The following CACNA1G variants were observed in gnomAD, a reference collection of about 807,000 sequenced individuals.
CACNA1G encodes calcium voltage-gated channel subunit alpha1 G, also known as voltage-dependent T-type calcium channel subunit alpha-1G.
CACNA1G carries 67 observed loss-of-function variants against 219.4 expected under a neutral mutation model. That is an observed-to-expected ratio of 0.31 (90% CI 0.25 to 0.37). The LOEUF (loss-of-function observed/expected upper bound fraction) is 0.37, where lower values mean the gene tolerates loss of function less well. Among genes scored for constraint, CACNA1G ranks in the 10% least tolerant of loss-of-function variants. The pLI is 1.00. For missense variants in CACNA1G, 2,380 were observed against 3,231.4 expected (o/e 0.74, Z 6.39); for synonymous variants, 1,296 against 1,345.3 (o/e 0.96, Z 0.80).
At chr17:50,604,407 C>A in intron 22 of CACNA1G, 126 bp downstream of exon 22, 1 of 1,241,972 alleles carries the variant, frequency 8.1e-7, no homozygotes, top group Non-Finnish European at 1.1e-6. Flanking sequence ...AGCAGGGACG[C>A]TTCCCTCCAG....
chr17:50,579,706 G>A (rs1002501574), intron 9 of CACNA1G, among the ~76,000 whole-genome samples: 1 of 152,172 alleles, frequency 6.6e-6, no homozygotes, highest in Non-Finnish European at 1.5e-5. Context: ...GGTTTGGAAC[G>A]AAGGCCATGC....
chr17:50,587,658 G>A (rs1314176025), intron 9 of CACNA1G, among the ~76,000 whole-genome samples: 1 of 152,246 alleles, frequency 6.6e-6, no homozygotes, highest in Non-Finnish European at 1.5e-5. Flanking sequence ...AGAGAGCAAG[G>A]CAGGGCCGAG....
chr17:50,622,648 C>T (rs946643174), intron 35 of CACNA1G, among the ~76,000 whole-genome samples: 1 of 152,146 alleles, frequency 6.6e-6, no homozygotes, highest in Non-Finnish European at 1.5e-5. Context: ...CTACAGCCTC[C>T]CTGGGAACAA....
Position 50,617,997 on chromosome 17 carries a change from C to A in CACNA1G, c.5227-51C>A, listed in dbSNP as rs2146277441. ...TCCAGAGGGAAGGGGCTCAGAGAAG[C>A]TGACTGGGAGACCCAGCGGCATCGT... On this transcript the variant is annotated intron_variant, in intron 30 of 37. Coordinates refer to ENST00000359106, the MANE Select transcript of CACNA1G (RefSeq NM_018896.5). The surrounding 1 kb of genome is among the most constrained non-coding windows in gnomAD (Gnocchi z 5.8). 1 of 1,612,408 alleles carries A rather than the reference C, an allele frequency of 6.2e-7. No homozygotes were observed. The highest frequency in any genetic ancestry group is 2.2e-5 in the East Asian group (1 of 44,874).
intron 28 of CACNA1G, among the ~76,000 whole-genome samples, chr17:50,616,963 C>G (rs2050724153): frequency 6.6e-6 from 1 of 152,182 alleles, no homozygotes; most frequent in South Asian, 2.1e-4. Flanking sequence ...ACCTCAGTCT[C>G]CCAGGTAGCT....
intron 35 of CACNA1G, among the ~76,000 whole-genome samples, chr17:50,623,270 T>TTA (rs2146432786): frequency 7.4e-6 from 1 of 135,546 alleles, no homozygotes; most frequent in Non-Finnish European, 1.6e-5. Context: ...CTAATTTTTT[T>TTA]TTTTTTTTTT....
chr17:50,573,717 T>C (rs2039977864), intron 7 of CACNA1G: 1 of 152,278 alleles, frequency 6.6e-6, no homozygotes, highest in Non-Finnish European at 1.5e-5. Context: ...GCCTGATCTC[T>C]TATTCCTGCC....
At chr17:50,594,933 T>C in intron 13 of CACNA1G, 60 bp from the exon 14 acceptor site, 1 of 1,319,752 alleles carries the variant, frequency 7.6e-7, no homozygotes, top group Non-Finnish European at 1.1e-6. Flanking sequence ...ACTGCCGATA[T>C]CTGAAGGCCC....
chr17:50,565,672 C>T (rs2037607414), intron 1 of CACNA1G, among the ~76,000 whole-genome samples: 1 of 152,148 alleles, frequency 6.6e-6, no homozygotes, highest in Admixed American at 6.5e-5. Context: ...ATGCCCAGAG[C>T]CCCTGTGCCC....
intron 26 of CACNA1G, among the ~76,000 whole-genome samples, chr17:50,613,883 T>C (rs886465460): frequency 9.9e-5 from 15 of 151,302 alleles, no homozygotes; most frequent in African/African-American, 1.9e-4. Flanking sequence ...TGTCCTCCCT[T>C]GCCCCAGGCT....
intron 9 of CACNA1G, among the ~76,000 whole-genome samples, chr17:50,580,769 G>A (rs912946518): frequency 2.6e-5 from 4 of 152,304 alleles, no homozygotes; most frequent in East Asian, 3.9e-4. Context: ...CCCCATGGGG[G>A]TGAGCGGGAG....
At position 50,578,569 on chromosome 17, in the gene CACNA1G, G is replaced by T. The variant is rs760954559; in HGVS notation, c.2301+5G>T. The T allele has an allele frequency of 6.5e-7, 1 of 1,541,386 alleles. No individual in the cohort carries two copies. The highest frequency in any genetic ancestry group is 2.3e-5 in the East Asian group (1 of 43,746). ...GGCATCGAATACCACGAGCAGGTAG[G>T]AGAGTGGGCAGAGGCAGGGCTCCTG... On this transcript the variant is annotated splice_donor_5th_base_variant and intron_variant, in intron 9 of 37. Transcript: ENST00000359106. The surrounding 1 kb of genome is among the most constrained non-coding windows in gnomAD (Gnocchi z 4.5).
chr17:50,581,818 C>A (rs774295362), intron 9 of CACNA1G, among the ~76,000 whole-genome samples: 5 of 152,222 alleles, frequency 3.3e-5, no homozygotes, highest in African/African-American at 9.6e-5. Flanking sequence ...CCGCTCAGGG[C>A]GGTACATGGA....
Position 50,596,574 on chromosome 17 carries a change from A to G in CACNA1G, c.2992A>G (p.Lys998Glu). The G allele has an allele frequency of 1.2e-6, 2 of 1,613,962 alleles. No homozygotes were observed. Among genetic ancestry groups the G allele is most frequent in the Non-Finnish European group, 1.7e-6 (2 of 1,179,844 alleles). The change falls in exon 15 of 38, where the codon AAG becomes GAG. Residue 998 changes from lysine to glutamate, a missense_variant. Around this residue, in one of 17 missense-constraint regions of CACNA1G, gnomAD observed 418 missense variants for 434.3 expected, o/e 0.96. Transcript: ENST00000359106. The surrounding 1 kb of genome is among the most constrained non-coding windows in gnomAD (Gnocchi z 4.8). ...PVDSQGGDAN[K>E]SESEPDFFSP... ...TCCCCTGCCCTAGGGAGATGCCAAC[A>G]AGTCCGAATCAGAGCCCGATTTCTT...
At position 50,627,406 on chromosome 17, in the gene CACNA1G, T is replaced by TATAC. The variant is rs1347848310; in HGVS notation, c.*667_*670dup. On this transcript the variant is annotated 3_prime_UTR_variant, in exon 38 of 38. Transcript: ENST00000359106. ...ACAAGTGAAATGGAACCTTTTTATA[T>TATAC]ATACATACATACATATCTATCTATC... The TATAC allele has an allele frequency of 1.1e-5, 4 of 372,834 alleles. No homozygotes were observed. The highest frequency in any genetic ancestry group is 7.2e-5 in the East Asian group (1 of 13,900). The allele number at this position is 372,834 out of a possible 1,614,324, so 23.1% of individuals were successfully genotyped here.
intron 33 of CACNA1G, 57 bp downstream of exon 33, chr17:50,619,065 G>A: frequency 2.2e-6 from 3 of 1,373,820 alleles, no homozygotes; most frequent in Non-Finnish European, 2.9e-6. Context: ...AGGGTGTGGA[G>A]GGTGGTGGGC....
In CACNA1G at chr17:50,572,563, C is replaced by T. The variant is rs373642146; in HGVS notation, c.756C>T (p.Ser252=). The T allele has an allele frequency of 4.5e-6, 7 of 1,544,806 alleles. No individual in the cohort carries two copies. Among genetic ancestry groups the T allele is most frequent in the South Asian group, 2.5e-5 (2 of 78,896 alleles). The change falls in exon 6 of 38, where the codon AGC becomes AGT. Residue 252 remains serine (S), a synonymous_variant. Transcript: ENST00000359106. ...CCTTCCCATCCTGCAGCCCCCTGAG[C>T]GTGGACCTGGAGCGCTATTACCAGA... ...FLPENFSLPL[S]VDLERYYQTE... is the part of the protein sequence containing the mutation.
At chr17:50,587,220 G>C (rs2043164209) in intron 9 of CACNA1G, among the ~76,000 whole-genome samples, 1 of 152,140 alleles carries the variant, frequency 6.6e-6, no homozygotes, top group Non-Finnish European at 1.5e-5. Context: ...CAACGGACCT[G>C]GCTCTGCACC....
chr17:50,606,381 A>T, intron 23 of CACNA1G: 1 of 567,946 alleles, frequency 1.8e-6, no homozygotes, highest in Non-Finnish European at 3.0e-6. Flanking sequence ...CACCATTGTC[A>T]GCTCAATGAC....
Sources: allele counts gnomAD v4.1 joint callset (sites outside exome capture counted in the v4.1 genomes callset), GRCh38; gene constraint gnomAD v4.1.1; regional missense constraint gnomAD v4.1.1; non-coding constraint Gnocchi (gnomAD v3.1); transcripts MANE v1.5; gene names NCBI Gene and HGNC (gene_info 2026-07-23, HGNC 2026-07-21).